Variants in EFCAB6 observed in about 807,000 individuals in gnomAD.
The protein encoded by EFCAB6 is EF-hand calcium binding domain 6.
EFCAB6 carries 156 observed loss-of-function variants against 169.8 expected under a neutral mutation model. That is an observed-to-expected ratio of 0.92 (90% CI 0.81 to 1.05). The LOEUF (loss-of-function observed/expected upper bound fraction) is 1.05. Ranked by LOEUF, EFCAB6 falls within the 50% of genes least tolerant of loss-of-function variation. The probability of loss-of-function intolerance (pLI) is 0.00; values close to 1 mark genes in which losing one functional copy is unlikely to be tolerated. For missense variants in EFCAB6, 1,800 were observed against 1,829.1 expected, an observed-to-expected ratio of 0.98 and a Z score of 0.29; for synonymous variants, 698 against 676.4, an observed-to-expected ratio of 1.03 and a Z score of -0.50.
intron 10 of EFCAB6, among the ~76,000 whole-genome samples, chr22:43,699,935 G>A (rs2058707013): frequency 1.3e-5 from 2 of 152,214 alleles, no homozygotes; most frequent in South Asian, 2.1e-4. Context: ...CATGATGGAA[G>A]GACGATGTAT....
At chr22:43,702,163 A>G (rs888393082) in intron 10 of EFCAB6, among the ~76,000 whole-genome samples, 43 of 152,240 alleles carry the variant, frequency 2.8e-4, no homozygotes, top group African/African-American at 1.0e-3. Flanking sequence ...TTAATATTCA[A>G]TGCTGGGAAG....
Position 43,548,539 on chromosome 22 carries a change from C to CAAA in EFCAB6, c.3648+6327_3648+6329dup, listed in dbSNP as rs397868076. Among the ~76,000 whole-genome samples, 51 of 36,750 alleles carry CAAA rather than the reference C, an allele frequency of 1.4e-3. 3 individuals are homozygous for CAAA. Among genetic ancestry groups the CAAA allele is most frequent in the Middle Eastern group, 0.038 (1 of 26 alleles). 24.1% of individuals were successfully genotyped at this position (36,750 alleles called of 152,430 possible). A position where few individuals can be genotyped will look rare whatever the true frequency, so the allele number is the denominator to read the frequency against. ...TGGGTGACAGAGCGAGAATCCATCT[C>CAAA]AAAAAAAAAAAAAAAAAAAAAAAAA... On this transcript the variant is annotated intron_variant, in intron 27 of 31. Coordinates refer to ENST00000262726, the MANE Select transcript of EFCAB6 (RefSeq NM_022785.4).
intron 23 of EFCAB6, among the ~76,000 whole-genome samples, chr22:43,598,326 A>AAAAAAAAAAAAAC (rs1569223191): frequency 6.7e-6 from 1 of 148,552 alleles, no homozygotes; most frequent in Non-Finnish European, 1.5e-5. Flanking sequence ...AAAAAAAAAA[A>AAAAAAAAAAAAAC]AAAAAAAAAA....
intron 17 of EFCAB6, among the ~76,000 whole-genome samples, chr22:43,642,842 T>C (rs2147987030): frequency 6.6e-6 from 1 of 152,252 alleles, no homozygotes; most frequent in East Asian, 1.9e-4. Flanking sequence ...TTGCCAGCTG[T>C]GAGTGCAGAT....
chr22:43,740,194 T>G (rs2060318915), intron 6 of EFCAB6, among the ~76,000 whole-genome samples: 1 of 152,122 alleles, frequency 6.6e-6, no homozygotes, highest in African/African-American at 2.4e-5. Flanking sequence ...CTAGTCACCA[T>G]GCAAATTAGG....
At chr22:43,784,668 TACATATATACACACACACAC>T (rs1189569143) in intron 2 of EFCAB6, among the ~76,000 whole-genome samples, 3 of 68,790 alleles carry the variant, frequency 4.4e-5, no homozygotes, top group Non-Finnish European at 8.2e-5. Context: ...TATATACATA[TACATATATACACACACACAC>T]ACACACACAC....
chr22:43,590,973 T>C (rs1198028489), intron 23 of EFCAB6, among the ~76,000 whole-genome samples: 2 of 151,798 alleles, frequency 1.3e-5, no homozygotes, highest in Non-Finnish European at 2.9e-5. Context: ...CCCCATTTTG[T>C]TTTGTTTGTT....
At chr22:43,779,950 C>T (rs980901499) in intron 3 of EFCAB6, among the ~76,000 whole-genome samples, 4 of 151,994 alleles carry the variant, frequency 2.6e-5, no homozygotes, top group African/African-American at 9.7e-5. Flanking sequence ...TATGAATAGG[C>T]AACTCACAAA....
chr22:43,529,025 T>A, intron 31 of EFCAB6, 50 bp from the exon 32 acceptor site: 1 of 1,516,338 alleles, frequency 6.6e-7, no homozygotes, highest in Non-Finnish European at 9.0e-7. Flanking sequence ...TGCCCTAGGT[T>A]AAGGAGGCAG....
chr22:43,546,258 A>G (rs973391359), intron 27 of EFCAB6, among the ~76,000 whole-genome samples: 11 of 152,208 alleles, frequency 7.2e-5, no homozygotes, highest in Non-Finnish European at 1.3e-4. Flanking sequence ...AAAACATACA[A>G]TGTATAGATT....
intron 18 of EFCAB6, 105 bp downstream of exon 18, chr22:43,634,997 C>T (rs1013727803): frequency 6.1e-5 from 50 of 817,148 alleles, no homozygotes; most frequent in Non-Finnish European, 9.4e-5. Context: ...TTCAACATCT[C>T]AGCTTGTGCT....
intron 17 of EFCAB6, among the ~76,000 whole-genome samples, chr22:43,644,265 G>A (rs1428979516): frequency 6.6e-6 from 1 of 152,068 alleles, no homozygotes; most frequent in Non-Finnish European, 1.5e-5. Flanking sequence ...CACGTTCCAG[G>A]TCAAGGAAAG....
chr22:43,642,035 G>A (rs1056236504), intron 17 of EFCAB6, among the ~76,000 whole-genome samples: 1 of 96,190 alleles, frequency 1.0e-5, no homozygotes, highest in African/African-American at 4.3e-5. Flanking sequence ...CCGCCTCTTG[G>A]GTTCAAGTGA....
chr22:43,567,514 C>T (rs2049526611), intron 26 of EFCAB6, among the ~76,000 whole-genome samples: 1 of 152,162 alleles, frequency 6.6e-6, no homozygotes, highest in Admixed American at 6.5e-5. Flanking sequence ...TGTCAGGTAC[C>T]AGGCAAAGCT....
At chr22:43,705,137 A>G (rs1482178859) in intron 10 of EFCAB6, among the ~76,000 whole-genome samples, 2 of 152,182 alleles carry the variant, frequency 1.3e-5, no homozygotes, top group Non-Finnish European at 2.9e-5. Flanking sequence ...AACAAAGGAC[A>G]TTATATAATG....
chr22:43,705,011 T>C (rs1206222779), intron 10 of EFCAB6, among the ~76,000 whole-genome samples: 2 of 152,146 alleles, frequency 1.3e-5, no homozygotes, highest in Admixed American at 1.3e-4. Context: ...AGGACATACA[T>C]AGACTGAAAG....
intron 17 of EFCAB6, among the ~76,000 whole-genome samples, chr22:43,640,198 G>A (rs933634749): frequency 6.6e-6 from 1 of 152,086 alleles, no homozygotes; most frequent in African/African-American, 2.4e-5. Flanking sequence ...GTTATATCCT[G>A]GACATTGTGG....
At chr22:43,719,147 C>T (rs578175671) in intron 8 of EFCAB6, among the ~76,000 whole-genome samples, 4 of 152,344 alleles carry the variant, frequency 2.6e-5, no homozygotes, top group East Asian at 1.9e-4. Context: ...TCTGTGCACA[C>T]GCCCTGTGGC....
In EFCAB6 at chr22:43,722,323, G is replaced by A. The variant is rs941351510; in HGVS notation, c.758-5351C>T. Reference sequence around the variant, plus strand: ...GGGCAGATCACGAGGTCAAGAGATCGAGACCATCCTGGCTAACATGGTGAA... The same window carrying A: ...GGGCAGATCACGAGGTCAAGAGATCAAGACCATCCTGGCTAACATGGTGAA... On this transcript the variant is annotated intron_variant, in intron 8 of 31. Transcript: ENST00000262726. Among the ~76,000 whole-genome samples the A allele has an allele frequency of 5.9e-5, 9 of 151,692 alleles. No individual in the cohort carries two copies. The South Asian group carries it at 1.9e-3, about 32-fold the overall frequency.
Sources: gnomAD v4.1 joint callset for allele counts (sites outside exome capture counted in the v4.1 genomes callset) on GRCh38, gnomAD v4.1.1 for gene constraint, MANE v1.5 for transcripts, NCBI Gene and HGNC (gene_info 2026-07-23, HGNC 2026-07-21) for gene names.